The following EXOC4 variants were observed in gnomAD, a reference collection of about 807,000 sequenced individuals.
EXOC4 encodes exocyst complex component 4.
EXOC4 carries 71 observed loss-of-function variants against 107.2 expected under a neutral mutation model. That is an observed-to-expected ratio of 0.66 (90% CI 0.55 to 0.81). EXOC4 has a LOEUF of 0.81. Ranked by LOEUF, EXOC4 falls within the 30% of genes least tolerant of loss-of-function variation. EXOC4 has a pLI of 0.00. For missense variants in EXOC4, 1,108 were observed against 1,189.6 expected (o/e 0.93, Z 1.01); for synonymous variants, 456 against 441.2 (o/e 1.03, Z -0.42).
intron 8 of EXOC4, among the ~76,000 whole-genome samples, chr7:133,477,702 A>G (rs1456343204): frequency 2.0e-5 from 3 of 152,244 alleles, no homozygotes; most frequent in South Asian, 2.1e-4. Flanking sequence ...CAGTGATACT[A>G]TGTTTAGCTT....
intron 10 of EXOC4, among the ~76,000 whole-genome samples, chr7:133,647,873 A>G (rs1013685280): frequency 2.0e-5 from 3 of 151,978 alleles, no homozygotes; most frequent in Non-Finnish European, 4.4e-5. Flanking sequence ...AAAATACGTG[A>G]TTTTTCTGTT....
At chr7:133,921,943 G>A (rs568513381) in intron 13 of EXOC4, among the ~76,000 whole-genome samples, 1 of 152,028 alleles carries the variant, frequency 6.6e-6, no homozygotes, top group South Asian at 2.1e-4. Context: ...AGTTTTGAAA[G>A]TTTCTATTGA....
intron 14 of EXOC4, among the ~76,000 whole-genome samples, chr7:133,940,402 C>T (rs1800399882): frequency 6.6e-6 from 1 of 152,204 alleles, no homozygotes; most frequent in African/African-American, 2.4e-5. Context: ...TCTACCACGC[C>T]TGTTAATCCT....
chr7:133,888,269 T>C (rs1190095882), intron 11 of EXOC4, among the ~76,000 whole-genome samples: 1 of 152,188 alleles, frequency 6.6e-6, no homozygotes, highest in East Asian at 1.9e-4. Flanking sequence ...TACCCCATAA[T>C]CTGTATTTAA....
chr7:133,943,497 G>A (rs1372979558), intron 14 of EXOC4, among the ~76,000 whole-genome samples: 1 of 152,122 alleles, frequency 6.6e-6, no homozygotes, highest in Non-Finnish European at 1.5e-5. Flanking sequence ...GATAATTACA[G>A]CAGTGGAATG....
intron 11 of EXOC4, among the ~76,000 whole-genome samples, chr7:133,851,125 A>C (rs1209711484): frequency 6.6e-6 from 1 of 152,180 alleles, no homozygotes; most frequent in African/African-American, 2.4e-5. Context: ...ATACTTCTGG[A>C]GCCACTGTTC....
chr7:133,577,588 C>A (rs768108995), intron 9 of EXOC4, among the ~76,000 whole-genome samples: 1 of 152,250 alleles, frequency 6.6e-6, no homozygotes, highest in African/African-American at 2.4e-5. Flanking sequence ...ATCCTCTCAT[C>A]CTTGTTCAGT....
At chr7:134,034,992 G>A (rs1371605803) in intron 17 of EXOC4, among the ~76,000 whole-genome samples, 1 of 151,540 alleles carries the variant, frequency 6.6e-6, no homozygotes, top group East Asian at 1.9e-4. Flanking sequence ...ACAGAAATAT[G>A]GTTTGGGGTA....
chr7:133,963,339 A>G (rs1291989868), intron 14 of EXOC4, among the ~76,000 whole-genome samples: 1 of 152,230 alleles, frequency 6.6e-6, no homozygotes, highest in Non-Finnish European at 1.5e-5. Context: ...TAGGGTATAC[A>G]TTAAGGGTTT....
At chr7:133,714,635 T>C (rs567886072) in intron 10 of EXOC4, among the ~76,000 whole-genome samples, 1 of 152,346 alleles carries the variant, frequency 6.6e-6, no homozygotes, top group East Asian at 1.9e-4. Context: ...TACAGACTTT[T>C]TTTGCACAAC....
chr7:134,006,163 C>A (rs945138764), intron 16 of EXOC4, among the ~76,000 whole-genome samples: 5 of 151,968 alleles, frequency 3.3e-5, no homozygotes, highest in Admixed American at 6.6e-5. Flanking sequence ...TGCATATCAA[C>A]ATTTGTTTTA....
intron 10 of EXOC4, among the ~76,000 whole-genome samples, chr7:133,756,561 G>A (rs191126877): frequency 2.6e-5 from 4 of 152,228 alleles, no homozygotes; most frequent in Admixed American, 1.3e-4. Flanking sequence ...CTGAGAATGC[G>A]GTGAAAGTTT....
intron 17 of EXOC4, among the ~76,000 whole-genome samples, chr7:134,008,915 G>A (rs985086004): frequency 2.6e-5 from 4 of 152,148 alleles, no homozygotes; most frequent in Non-Finnish European, 5.9e-5. Flanking sequence ...ATAGGCATAA[G>A]TCACTGCACC....
At chr7:133,600,014 C>T (rs1026970392) in intron 9 of EXOC4, among the ~76,000 whole-genome samples, 2 of 151,230 alleles carry the variant, frequency 1.3e-5, no homozygotes, top group African/African-American at 2.4e-5. Flanking sequence ...AATCCTCCCA[C>T]CTCAGCCTCC....
chr7:133,308,280 C>T (rs1045335492), intron 4 of EXOC4, among the ~76,000 whole-genome samples: 1 of 152,094 alleles, frequency 6.6e-6, no homozygotes, highest in African/African-American at 2.4e-5. Flanking sequence ...AACCCTAATC[C>T]CTGGTACCTC....
At chr7:133,724,422 A>G (rs1416118442) in intron 10 of EXOC4, among the ~76,000 whole-genome samples, 1 of 152,224 alleles carries the variant, frequency 6.6e-6, no homozygotes, top group East Asian at 1.9e-4. Context: ...GTTTTCATTC[A>G]TAAGTTCATT....
intron 9 of EXOC4, among the ~76,000 whole-genome samples, chr7:133,533,097 T>C (rs900477254): frequency 6.6e-6 from 1 of 152,130 alleles, no homozygotes; most frequent in African/African-American, 2.4e-5. Flanking sequence ...TGGTCTTTTA[T>C]CTCCTTTGTT....
intron 10 of EXOC4, among the ~76,000 whole-genome samples, chr7:133,767,411 A>G (rs146441939): frequency 6.6e-6 from 1 of 151,944 alleles, no homozygotes; most frequent in Non-Finnish European, 1.5e-5. Context: ...AATTCATAGT[A>G]GGCTCCAATT....
the EXOC4 span, among the ~76,000 whole-genome samples, chr7:134,094,223 A>G: frequency 6.6e-6 from 1 of 152,162 alleles, no homozygotes; most frequent in African/African-American, 2.4e-5. Context: ...AGAAATGACA[A>G]AGATGACATT....
Sources: gnomAD v4.1 joint callset for allele counts (sites outside exome capture counted in the v4.1 genomes callset) on GRCh38, gnomAD v4.1.1 for gene constraint, MANE v1.5 for transcripts, NCBI Gene and HGNC (gene_info 2026-07-23, HGNC 2026-07-21) for gene names.